The following NEO1 variants were observed in gnomAD, a reference collection of about 807,000 sequenced individuals.
NEO1 encodes neogenin 1, also known as neogenin.
A neutral mutation model predicts 159.7 loss-of-function variants in NEO1; 63 were observed. That is an observed-to-expected ratio of 0.39 (90% confidence interval 0.32 to 0.49). The LOEUF (loss-of-function observed/expected upper bound fraction) is 0.49. NEO1 is among the 20% of genes least tolerant of loss of function. The probability of loss-of-function intolerance (pLI) is 0.85; values close to 1 mark genes in which losing one functional copy is unlikely to be tolerated. For synonymous variants in NEO1, 633 were observed against 662.0 expected (o/e 0.96, Z 0.67); for missense variants, 1,615 against 1,831.0 (o/e 0.88, Z 2.15).
chr15:73,174,882 CTTG>C (rs1051883844), intron 5 of NEO1, among the ~76,000 whole-genome samples: 15 of 152,288 alleles, frequency 9.8e-5, no homozygotes, highest in African/African-American at 3.1e-4. Flanking sequence ...CTGATTTCAT[CTTG>C]TTGTACAGAT....
At chr15:73,159,958 A>T (rs1178260244) in intron 5 of NEO1, among the ~76,000 whole-genome samples, 1 of 152,122 alleles carries the variant, frequency 6.6e-6, no homozygotes, top group Admixed American at 6.6e-5. Context: ...GAGGTTCAAC[A>T]TCTTTTCTCA....
chr15:73,211,442 C>T (rs1050248498), intron 7 of NEO1, among the ~76,000 whole-genome samples: 2 of 152,094 alleles, frequency 1.3e-5, no homozygotes, highest in African/African-American at 2.4e-5. Context: ...TGGGGCCGGG[C>T]GTGTTGGCTC....
chr15:73,123,033 T>TA (rs1412457584), intron 3 of NEO1, among the ~76,000 whole-genome samples: 1 of 151,850 alleles, frequency 6.6e-6, no homozygotes, highest in Non-Finnish European at 1.5e-5. Flanking sequence ...GGCAGGCGCT[T>TA]ATAACTCCAG....
intron 7 of NEO1, among the ~76,000 whole-genome samples, chr15:73,206,915 G>T (rs1488358307): frequency 2.0e-5 from 3 of 151,996 alleles, no homozygotes; most frequent in African/African-American, 7.2e-5. Context: ...GTGTGGTGAA[G>T]TGATCATAGC....
intron 2 of NEO1, among the ~76,000 whole-genome samples, chr15:73,122,138 C>T (rs2071704278): frequency 8.4e-6 from 1 of 119,462 alleles, no homozygotes; most frequent in Admixed American, 8.6e-5. Flanking sequence ...TGAATAAAGA[C>T]TAGACAAAAT....
chr15:73,265,108 C>G (rs1596525611), intron 15 of NEO1, among the ~76,000 whole-genome samples: 1 of 152,198 alleles, frequency 6.6e-6, no homozygotes, highest in East Asian at 1.9e-4. Flanking sequence ...GGAGAGAACA[C>G]AGTGCTCAGT....
intron 1 of NEO1, among the ~76,000 whole-genome samples, chr15:73,116,082 C>G (rs1211787318): frequency 6.6e-6 from 1 of 151,944 alleles, no homozygotes; most frequent in Non-Finnish European, 1.5e-5. Context: ...AATAAATTCT[C>G]TAGAAAATGG....
At chr15:73,075,020 A>G (rs1014654597) in intron 1 of NEO1, among the ~76,000 whole-genome samples, 3 of 152,244 alleles carry the variant, frequency 2.0e-5, no homozygotes, top group Non-Finnish European at 4.4e-5. Context: ...GACTATTTCA[A>G]AATTACAGAG....
chr15:73,248,137 A>C (rs1181792502), intron 9 of NEO1, among the ~76,000 whole-genome samples: 1 of 152,200 alleles, frequency 6.6e-6, no homozygotes. Flanking sequence ...GAGAAAATAC[A>C]TGTCAAGTAT....
At chr15:73,252,591 T>C (rs1003572133) in intron 11 of NEO1, among the ~76,000 whole-genome samples, 1 of 152,238 alleles carries the variant, frequency 6.6e-6, no homozygotes, top group Non-Finnish European at 1.5e-5. Flanking sequence ...GGCTTACTGA[T>C]GTATGTACAT....
At chr15:73,061,270 A>G (rs2067963825) in intron 1 of NEO1, among the ~76,000 whole-genome samples, 1 of 152,212 alleles carries the variant, frequency 6.6e-6, no homozygotes, top group African/African-American at 2.4e-5. Context: ...ATCTTCCCAT[A>G]AACGGAAGTT....
chr15:73,234,624 G>A (rs1243434680), intron 7 of NEO1, among the ~76,000 whole-genome samples: 1 of 152,188 alleles, frequency 6.6e-6, no homozygotes, highest in Non-Finnish European at 1.5e-5. Flanking sequence ...TTAATGTTTT[G>A]TAGTGTTGAC....
At chr15:73,115,590 CTT>C (rs35704795) in intron 1 of NEO1, among the ~76,000 whole-genome samples, 17,718 of 151,452 alleles carry the variant, frequency 0.12, 1,453 homozygotes, top group African/African-American at 0.23. Context: ...GAAAAACAGT[CTT>C]AGTTTCATTT....
intron 26 of NEO1, among the ~76,000 whole-genome samples, chr15:73,296,748 A>G (rs2042388407): frequency 6.6e-6 from 1 of 152,122 alleles, no homozygotes; most frequent in Non-Finnish European, 1.5e-5. Flanking sequence ...GATAACCGAG[A>G]CAGCTACTAA....
At chr15:73,060,201 T>G (rs1383864945) in intron 1 of NEO1, among the ~76,000 whole-genome samples, 9 of 152,156 alleles carry the variant, frequency 5.9e-5, no homozygotes, top group Non-Finnish European at 2.9e-5. Context: ...TTGAAAATCT[T>G]TTTGGTTAAT....
At position 73,056,680 on chromosome 15, in the gene NEO1, C is replaced by G. The variant is rs563240884; in HGVS notation, c.130+3875C>G. ...TGTGTGGGCCCCCCCTGCCCTTCCC[C>G]TCAAACCTTATCCTTTTTAAGTTAA... On this transcript the variant is annotated intron_variant, in intron 1 of 28. Transcript: ENST00000261908. Among the ~76,000 whole-genome samples, 118 of 152,286 alleles carry G rather than the reference C, an allele frequency of 7.7e-4. 1 individual carries two copies. The South Asian group carries it at 0.011, about 14-fold the overall frequency.
At chr15:73,255,352 A>G (rs1161964714) in intron 13 of NEO1, 2 of 152,398 alleles carry the variant, frequency 1.3e-5, no homozygotes, top group Non-Finnish European at 2.9e-5. Context: ...TTTTCCCTTC[A>G]TATGCAACAG....
intron 1 of NEO1, among the ~76,000 whole-genome samples, chr15:73,083,878 G>T (rs905643283): frequency 2.6e-5 from 4 of 152,040 alleles, no homozygotes; most frequent in African/African-American, 7.2e-5. Flanking sequence ...AAGTATTCAG[G>T]TGTCTGCCTC....
intron 13 of NEO1, among the ~76,000 whole-genome samples, chr15:73,257,199 G>A (rs2040408472): frequency 8.2e-6 from 1 of 121,640 alleles, no homozygotes; most frequent in African/African-American, 3.0e-5. Flanking sequence ...TTTGCCATTT[G>A]TAAGGCTTTT....
Sources: gnomAD v4.1 joint callset for allele counts (sites outside exome capture counted in the v4.1 genomes callset) on GRCh38, gnomAD v4.1.1 for gene constraint, MANE v1.5 for transcripts, NCBI Gene and HGNC (gene_info 2026-07-23, HGNC 2026-07-21) for gene names.